Variants in SRGAP2 observed in about 807,000 individuals in gnomAD.
SRGAP2 encodes SLIT-ROBO Rho GTPase-activating protein 2.
SRGAP2 carries 15 observed loss-of-function variants against 57.2 expected under a neutral mutation model. The ratio of observed to expected loss-of-function variants is 0.26; its 90% confidence interval spans 0.18 to 0.40. The LOEUF (loss-of-function observed/expected upper bound fraction) is 0.40, where lower values mean the gene tolerates loss of function less well. Among genes scored for constraint, SRGAP2 ranks in the 10% least tolerant of loss-of-function variants. The pLI is 1.00. For synonymous variants in SRGAP2, 249 were observed against 248.0 expected (o/e 1.00, Z -0.04); for missense variants, 520 against 669.6 (o/e 0.78, Z 2.47).
intron 11 of SRGAP2, among the ~76,000 whole-genome samples, chr1:206,418,342 G>A (rs1424586674): frequency 6.6e-6 from 1 of 152,218 alleles, no homozygotes; most frequent in Non-Finnish European, 1.5e-5. Context: ...GGATGGCGTT[G>A]CTCAAGATGA....
rs1276410013 is a variant in SRGAP2, at chr1:206,397,741, C to T, written c.832-3680C>T. Among the ~76,000 whole-genome samples, 12 of 142,936 alleles carry T rather than the reference C, an allele frequency of 8.4e-5. No homozygotes were observed. The South Asian group carries it at 8.7e-4, about 10-fold the overall frequency. 93.8% of individuals were successfully genotyped at this position (142,936 alleles called of 152,430 possible). On this transcript the variant is annotated intron_variant, in intron 7 of 22. Coordinates refer to ENST00000573034, the MANE Select transcript of SRGAP2 (RefSeq NM_015326.5). Reference sequence around the variant, plus strand: ...CCCATACTCTTCTGGCTCTCTCAACCCAGGAGCAGATGGATGAATGAAGAA... The same window carrying T: ...CCCATACTCTTCTGGCTCTCTCAACTCAGGAGCAGATGGATGAATGAAGAA...
chr1:206,369,846 T>G (rs570950766), intron 4 of SRGAP2, among the ~76,000 whole-genome samples: 2 of 152,056 alleles, frequency 1.3e-5, no homozygotes, highest in African/African-American at 4.8e-5. Context: ...AACTGAAAAT[T>G]CCTCCAAAAC....
At chr1:206,427,909 G>C (rs551314010) in intron 13 of SRGAP2, among the ~76,000 whole-genome samples, 1 of 152,122 alleles carries the variant, frequency 6.6e-6, no homozygotes, top group Non-Finnish European at 1.5e-5. Flanking sequence ...AGGAGTTTGA[G>C]ACCAGCCTGG....
At chr1:206,218,089 A>G (rs1293493153) in intron 2 of SRGAP2, among the ~76,000 whole-genome samples, 1 of 152,082 alleles carries the variant, frequency 6.6e-6, no homozygotes, top group African/African-American at 2.4e-5. Flanking sequence ...CAGGCGGATC[A>G]CCTAAGGTCA....
intron 4 of SRGAP2, among the ~76,000 whole-genome samples, chr1:206,352,803 A>T (rs1325052130): frequency 6.6e-6 from 1 of 151,322 alleles, no homozygotes. Context: ...TATGTAATAT[A>T]TCATCTTTTT....
At chr1:206,381,333 C>CTCTA in intron 4 of SRGAP2, among the ~76,000 whole-genome samples, 1 of 137,922 alleles carries the variant, frequency 7.3e-6, no homozygotes, top group East Asian at 2.2e-4. Context: ...AGTTAAGAAA[C>CTCTA]GATAGGCTGG....
At chr1:206,453,482 G>C (rs2483058) in intron 20 of SRGAP2, 102 bp downstream of exon 20, 220,263 of 468,832 alleles carry the variant, frequency 0.47, 55,507 homozygotes, top group East Asian at 0.76. Flanking sequence ...GCCAACCCCT[G>C]GGGGGTCCAG....
intron 13 of SRGAP2, among the ~76,000 whole-genome samples, chr1:206,427,170 A>G (rs782585470): frequency 6.6e-6 from 1 of 151,998 alleles, no homozygotes; most frequent in Non-Finnish European, 1.5e-5. Flanking sequence ...ATCTAGTTTC[A>G]TTCTTCTGCT....
At chr1:206,455,128 C>G in intron 21 of SRGAP2, 104 bp downstream of exon 21, 1 of 765,180 alleles carries the variant, frequency 1.3e-6, no homozygotes, top group African/African-American at 1.7e-5. Flanking sequence ...ACGTAGGGCT[C>G]CCAGCTCCCC....
chr1:206,335,197 T>C (rs797028721), intron 3 of SRGAP2, among the ~76,000 whole-genome samples: 3,474 of 149,404 alleles, frequency 0.023, 56 homozygotes, highest in African/African-American at 0.044. Flanking sequence ...ATTTAATACC[T>C]AAGTGCATTT....
At chr1:206,445,882 T>C (rs190871298) in intron 17 of SRGAP2, among the ~76,000 whole-genome samples, 193 bp from the exon 18 acceptor site, 1 of 152,350 alleles carries the variant, frequency 6.6e-6, no homozygotes, top group African/African-American at 2.4e-5. Context: ...TTGCATTTCC[T>C]GAGCTCCTGA....
intron 3 of SRGAP2, among the ~76,000 whole-genome samples, chr1:206,334,501 C>T (rs1165592783): frequency 1.3e-5 from 2 of 152,074 alleles, no homozygotes; most frequent in Non-Finnish European, 2.9e-5. Context: ...TAAGGGGACT[C>T]ATTGTCCCAG....
chr1:206,360,875 C>T (rs558623342), intron 4 of SRGAP2, among the ~76,000 whole-genome samples: 32 of 126,176 alleles, frequency 2.5e-4, no homozygotes, highest in African/African-American at 9.6e-4. Flanking sequence ...AAATTCTACT[C>T]ACTGCTCTGT....
At chr1:206,321,353 A>T (rs1219856506) in intron 3 of SRGAP2, among the ~76,000 whole-genome samples, 3 of 85,194 alleles carry the variant, frequency 3.5e-5, no homozygotes, top group Non-Finnish European at 6.2e-5. Context: ...GTTAAATTTG[A>T]TCATTTGGTT....
intron 13 of SRGAP2, 25 bp downstream of exon 13, chr1:206,421,299 T>A (rs919081163): frequency 1.3e-6 from 1 of 772,758 alleles, no homozygotes; most frequent in Non-Finnish European, 2.4e-6. Flanking sequence ...GGGGCCAGGC[T>A]GGTCTGGCCT....
rs1358598109 is a variant in SRGAP2 at position 206,318,653 on chromosome 1, C to T, written c.260+15180C>T. Among the ~76,000 whole-genome samples the T allele has an allele frequency of 1.2e-4, 18 of 152,288 alleles. No homozygotes were observed. In the East Asian group the frequency reaches 2.9e-3, roughly 25 times the overall value. ...GGAGGCATGGTGCTGGTGTCTGCTT[C>T]TGGTGAGGCCTCAGGAAGCTTACAA... On this transcript the variant is annotated intron_variant, in intron 3 of 22. Coordinates refer to ENST00000573034, the MANE Select transcript of SRGAP2 (RefSeq NM_015326.5).
intron 13 of SRGAP2, among the ~76,000 whole-genome samples, chr1:206,428,349 A>C (rs548101606): frequency 6.7e-6 from 1 of 150,090 alleles, no homozygotes; most frequent in African/African-American, 2.5e-5. Context: ...CCTGGGAGGC[A>C]GAGCTTGCAG....
intron 2 of SRGAP2, among the ~76,000 whole-genome samples, chr1:206,280,180 C>T (rs1384670586): frequency 6.7e-5 from 10 of 149,488 alleles, no homozygotes; most frequent in African/African-American, 2.5e-4. Context: ...CTCCAAGGCT[C>T]AAGCAATTCT....
chr1:206,364,186 C>G (rs1553341153), intron 4 of SRGAP2, among the ~76,000 whole-genome samples: 1 of 148,984 alleles, frequency 6.7e-6, no homozygotes, highest in Non-Finnish European at 1.5e-5. Flanking sequence ...AATCAATAAG[C>G]AGGGTTTACA....
Sources: gnomAD v4.1 joint callset for allele counts (sites outside exome capture counted in the v4.1 genomes callset) on GRCh38, gnomAD v4.1.1 for gene constraint, MANE v1.5 for transcripts, NCBI Gene and HGNC (gene_info 2026-07-23, HGNC 2026-07-21) for gene names.